The following LOC128125817 variants were observed in gnomAD, a reference collection of about 807,000 sequenced individuals.
chr1:41,604,122 A>G, the LOC128125817 span, among the ~76,000 whole-genome samples: 1 of 152,230 alleles, frequency 6.6e-6, no homozygotes, highest in Non-Finnish European at 1.5e-5. Flanking sequence ...ATTGATTGGC[A>G]AAGACTAATG....
the LOC128125817 span, among the ~76,000 whole-genome samples, chr1:41,601,166 C>T: frequency 6.6e-6 from 1 of 152,004 alleles, no homozygotes; most frequent in African/African-American, 2.4e-5. Flanking sequence ...ATTTTTTATG[C>T]TTTGAAATTA....
chr1:41,596,059 T>C, the LOC128125817 span, among the ~76,000 whole-genome samples: 4 of 152,206 alleles, frequency 2.6e-5, no homozygotes, highest in African/African-American at 7.2e-5. Flanking sequence ...ACAGGAAATG[T>C]TTCAGGGCTC....
At chr1:41,618,926 C>T in the LOC128125817 span, among the ~76,000 whole-genome samples, 1 of 152,226 alleles carries the variant, frequency 6.6e-6, no homozygotes, top group African/African-American at 2.4e-5. Flanking sequence ...CTTCCCATGG[C>T]CCCCGCAGTT....
the LOC128125817 span, among the ~76,000 whole-genome samples, chr1:41,588,723 G>C: frequency 6.6e-6 from 1 of 152,190 alleles, no homozygotes; most frequent in African/African-American, 2.4e-5. Flanking sequence ...GGCTGCCAGG[G>C]CGCAGAGTGA....
chr1:41,585,843 G>C, the LOC128125817 span, among the ~76,000 whole-genome samples: 1 of 152,190 alleles, frequency 6.6e-6, no homozygotes, highest in Non-Finnish European at 1.5e-5. Flanking sequence ...GGAAGTGCCT[G>C]TGGTTTATTC....
chr1:41,603,506 C>A, the LOC128125817 span, among the ~76,000 whole-genome samples: 7 of 152,020 alleles, frequency 4.6e-5, no homozygotes, highest in Non-Finnish European at 7.4e-5. Context: ...ATTACAGGCA[C>A]CTGCCACCAT....
chr1:41,604,129 A>G, the LOC128125817 span, among the ~76,000 whole-genome samples: 1 of 152,224 alleles, frequency 6.6e-6, no homozygotes. Flanking sequence ...GGCAAAGACT[A>G]ATGCCACACA....
chr1:41,604,422 T>A, the LOC128125817 span, among the ~76,000 whole-genome samples: 1 of 152,166 alleles, frequency 6.6e-6, no homozygotes, highest in African/African-American at 2.4e-5. Flanking sequence ...TCAGACACAA[T>A]AGACTATATG....
At chr1:41,625,426 C>T in the LOC128125817 span, among the ~76,000 whole-genome samples, 41 of 152,234 alleles carry the variant, frequency 2.7e-4, no homozygotes, top group African/African-American at 8.9e-4. Flanking sequence ...AAAACTTTAC[C>T]GAATCAGGCA....
At chr1:41,607,825 T>A in the LOC128125817 span, among the ~76,000 whole-genome samples, 8 of 152,240 alleles carry the variant, frequency 5.3e-5, no homozygotes, top group Admixed American at 5.2e-4. Flanking sequence ...TAAGTGGCCA[T>A]GGCTGATATG....
chr1:41,595,414 T>TA, the LOC128125817 span, among the ~76,000 whole-genome samples: 1 of 152,192 alleles, frequency 6.6e-6, no homozygotes, highest in African/African-American at 2.4e-5. Flanking sequence ...ATCCTGCTCT[T>TA]ACACTTTGAA....
At chr1:41,598,806 G>GTTATTTATTTAT in the LOC128125817 span, among the ~76,000 whole-genome samples, 9,057 of 147,022 alleles carry the variant, frequency 0.062, 784 homozygotes, top group East Asian at 0.4. Context: ...GTCACATGAT[G>GTTATTTATTTAT]TTATTTATTT....
the LOC128125817 span, among the ~76,000 whole-genome samples, chr1:41,618,277 G>A: frequency 2.6e-5 from 4 of 152,222 alleles, no homozygotes; most frequent in East Asian, 1.9e-4. Flanking sequence ...CAGACTCTGC[G>A]GTTATGCAAT....
the LOC128125817 span, among the ~76,000 whole-genome samples, chr1:41,590,040 C>T: frequency 3.3e-5 from 5 of 152,356 alleles, no homozygotes; most frequent in South Asian, 1.0e-3. Flanking sequence ...TCTCTGTGTA[C>T]AACACTCTGT....
At chr1:41,608,413 C>T in the LOC128125817 span, among the ~76,000 whole-genome samples, 4,233 of 152,328 alleles carry the variant, frequency 0.028, 77 homozygotes, top group Middle Eastern at 0.054. Flanking sequence ...TGCTCAGCTG[C>T]TGTCTCAGAC....
chr1:41,605,148 A>G, the LOC128125817 span, among the ~76,000 whole-genome samples: 1 of 103,330 alleles, frequency 9.7e-6, no homozygotes, highest in African/African-American at 3.8e-5. Flanking sequence ...AAGGGAAGGG[A>G]AGCGGAGGGG....
the LOC128125817 span, among the ~76,000 whole-genome samples, chr1:41,598,438 A>G: frequency 6.6e-6 from 1 of 152,264 alleles, no homozygotes; most frequent in Admixed American, 6.5e-5. Context: ...AAGATGAACC[A>G]CAGAAGAAAA....
At chr1:41,612,989 T>C in the LOC128125817 span, among the ~76,000 whole-genome samples, 18 of 152,310 alleles carry the variant, frequency 1.2e-4, no homozygotes, top group African/African-American at 3.8e-4. Flanking sequence ...GCAGGGTGAA[T>C]GCAGCACCTC....
At chr1:41,589,272 G>A in the LOC128125817 span, among the ~76,000 whole-genome samples, 4 of 152,230 alleles carry the variant, frequency 2.6e-5, no homozygotes, top group African/African-American at 9.6e-5. Context: ...TGGGCCATGA[G>A]GCCAGTGAGA....
Sources: allele counts gnomAD v4.1 joint callset (sites outside exome capture counted in the v4.1 genomes callset), GRCh38; gene constraint gnomAD v4.1.1; transcripts MANE v1.5.